Variants in BTBD9 observed in about 807,000 individuals in gnomAD.
BTBD9 encodes the protein BTB domain containing 9, also known as BTB/POZ domain-containing protein 9.
Under a neutral mutation model 64.3 loss-of-function variants are expected in BTBD9, and 49 were observed. The observed-to-expected ratio is 0.76, with a 90% CI of 0.61 to 0.97. The LOEUF (loss-of-function observed/expected upper bound fraction) is 0.97. Ranked by LOEUF, BTBD9 falls within the 50% of genes least tolerant of loss-of-function variation. The probability of loss-of-function intolerance (pLI) is 0.00; values close to 1 mark genes in which losing one functional copy is unlikely to be tolerated. For missense variants in BTBD9, 598 were observed against 762.1 expected (o/e 0.78, Z 2.53); for synonymous variants, 260 against 274.7 (o/e 0.95, Z 0.53).
intron 9 of BTBD9, among the ~76,000 whole-genome samples, chr6:38,222,928 T>C (rs558206692): frequency 7.5e-4 from 114 of 152,278 alleles, no homozygotes; most frequent in African/African-American, 2.0e-3. Context: ...TTTTTTAAGA[T>C]GGAGTTTTGT....
chr6:38,324,533 G>A (rs1763347935), intron 7 of BTBD9, among the ~76,000 whole-genome samples: 1 of 152,178 alleles, frequency 6.6e-6, no homozygotes, highest in Non-Finnish European at 1.5e-5. Flanking sequence ...TGCAGGGCCT[G>A]CTGAGCAGAC....
chr6:38,368,944 C>G (rs1765302355), intron 6 of BTBD9, among the ~76,000 whole-genome samples: 1 of 152,186 alleles, frequency 6.6e-6, no homozygotes, highest in South Asian at 2.1e-4. Context: ...CCCATAGACA[C>G]TTCAATTTCA....
chr6:38,267,983 G>A (rs1765072002), intron 8 of BTBD9, among the ~76,000 whole-genome samples: 2 of 152,096 alleles, frequency 1.3e-5, no homozygotes, highest in East Asian at 1.9e-4. Flanking sequence ...GAGAAATGAG[G>A]AGCAGAAGAG....
At chr6:38,377,788 T>C (rs1362745998) in intron 6 of BTBD9, among the ~76,000 whole-genome samples, 1 of 152,216 alleles carries the variant, frequency 6.6e-6, no homozygotes, top group African/African-American at 2.4e-5. Context: ...ATTTTCCACA[T>C]AGTATTTTTT....
At chr6:38,180,196 G>A (rs951225777) in intron 10 of BTBD9, among the ~76,000 whole-genome samples, 15 of 152,230 alleles carry the variant, frequency 9.9e-5, no homozygotes, top group Admixed American at 8.5e-4. Flanking sequence ...ATGCAAATGG[G>A]CATTCGGGGG....
chr6:38,176,524 C>T (rs1761259399), intron 10 of BTBD9, among the ~76,000 whole-genome samples: 1 of 152,228 alleles, frequency 6.6e-6, no homozygotes, highest in South Asian at 2.1e-4. Flanking sequence ...CCCCTCACTG[C>T]CTCACGGCTG....
At chr6:38,536,685 T>C (rs1474261115) in intron 6 of BTBD9, among the ~76,000 whole-genome samples, 2 of 151,960 alleles carry the variant, frequency 1.3e-5, no homozygotes, top group Admixed American at 6.6e-5. Flanking sequence ...ATGGATGAGG[T>C]TATTATGTTA....
intron 6 of BTBD9, among the ~76,000 whole-genome samples, chr6:38,383,295 T>C (rs1766015446): frequency 6.6e-6 from 1 of 152,218 alleles, no homozygotes; most frequent in African/African-American, 2.4e-5. Context: ...TAAAAACATT[T>C]GATAAATCCA....
chr6:38,444,196 T>C (rs892470940), intron 6 of BTBD9, among the ~76,000 whole-genome samples: 1 of 152,234 alleles, frequency 6.6e-6, no homozygotes, highest in South Asian at 2.1e-4. Flanking sequence ...CATTGGACGT[T>C]TTGTGCTTTC....
chr6:38,344,906 G>C, intron 7 of BTBD9, 78 bp downstream of exon 7: 1 of 941,598 alleles, frequency 1.1e-6, no homozygotes, highest in Non-Finnish European at 1.6e-6. Flanking sequence ...AACTGATTAA[G>C]ATAAGTTAAG....
intron 6 of BTBD9, among the ~76,000 whole-genome samples, chr6:38,412,872 C>A (rs1314347469): frequency 5.5e-4 from 81 of 146,198 alleles, no homozygotes; most frequent in African/African-American, 1.7e-3. Flanking sequence ...ACAACAACAA[C>A]AACAACAACA....
At chr6:38,547,538 C>T (rs1774608159) in intron 6 of BTBD9, among the ~76,000 whole-genome samples, 1 of 152,192 alleles carries the variant, frequency 6.6e-6, no homozygotes, top group South Asian at 2.1e-4. Flanking sequence ...CCTTCTCTAT[C>T]CTTGTTTACT....
chr6:38,175,212 G>GT, intron 10 of BTBD9, 30 bp from the exon 11 acceptor site: 1 of 1,612,426 alleles, frequency 6.2e-7, no homozygotes, highest in Non-Finnish European at 8.5e-7. Context: ...GACCCCATGA[G>GT]TGAAGGGTCA....
intron 6 of BTBD9, among the ~76,000 whole-genome samples, chr6:38,441,357 GA>G (rs970371312): frequency 2.6e-5 from 4 of 152,232 alleles, no homozygotes; most frequent in African/African-American, 9.6e-5. Context: ...GGAGACTTTT[GA>G]ATACAGAATC....
chr6:38,258,867 G>A (rs1764699498), intron 8 of BTBD9, among the ~76,000 whole-genome samples: 1 of 152,160 alleles, frequency 6.6e-6, no homozygotes, highest in Non-Finnish European at 1.5e-5. Context: ...TCTGGCCCAG[G>A]CCACAGCGCG....
At chr6:38,480,636 A>G (rs1012840746) in intron 6 of BTBD9, among the ~76,000 whole-genome samples, 10 of 152,188 alleles carry the variant, frequency 6.6e-5, no homozygotes, top group African/African-American at 2.4e-4. Flanking sequence ...TAGCTCAGCT[A>G]TAGAACACGC....
intron 9 of BTBD9, among the ~76,000 whole-genome samples, chr6:38,238,835 G>A (rs553706530): frequency 9.9e-5 from 15 of 152,242 alleles, no homozygotes; most frequent in East Asian, 3.9e-4. Context: ...AGAATAGACT[G>A]TAAATGTTTC....
At chr6:38,338,468 A>T (rs1474751199) in intron 7 of BTBD9, among the ~76,000 whole-genome samples, 1 of 152,206 alleles carries the variant, frequency 6.6e-6, no homozygotes, top group African/African-American at 2.4e-5. Context: ...GTCTTCCTGG[A>T]TCCATGCTGG....
At chr6:38,576,761 A>C (rs1185460118) in intron 6 of BTBD9, among the ~76,000 whole-genome samples, 4 of 152,288 alleles carry the variant, frequency 2.6e-5, no homozygotes, top group African/African-American at 4.8e-5. Context: ...TTTTGACTTT[A>C]AGGTAAAGAA....
Sources: allele counts gnomAD v4.1 joint callset (sites outside exome capture counted in the v4.1 genomes callset), GRCh38; gene constraint gnomAD v4.1.1; transcripts MANE v1.5; gene names NCBI Gene and HGNC (gene_info 2026-07-23, HGNC 2026-07-21).